EBF3: variants seen among roughly 807,000 people sequenced by gnomAD.
The protein encoded by EBF3 is transcription factor COE3.
Under a neutral mutation model 77.1 loss-of-function variants are expected in EBF3, and 18 were observed. The ratio of observed to expected loss-of-function variants is 0.23; its 90% CI spans 0.16 to 0.35. The LOEUF is 0.35. EBF3 is among the 10% of genes least tolerant of loss of function. The pLI is 1.00. For missense variants in EBF3, 558 were observed against 860.0 expected (o/e 0.65, Z 4.39); for synonymous variants, 350 against 343.5 (o/e 1.02, Z -0.21).
At position 129,897,584 on chromosome 10, in the gene EBF3, G is replaced by A. The variant is rs1216198093; in HGVS notation, c.555-19735C>T. On this transcript the variant is annotated intron_variant, in intron 6 of 16. Coordinates refer to ENST00000440978, the MANE Select transcript of EBF3 (RefSeq NM_001375380.1). The surrounding 1 kb of genome is among the most constrained non-coding windows in gnomAD (Gnocchi z 4.6). ...CAGCACACGACCCTTTTATCCGAGA[G>A]GCGAAGCCCGGGAAGGTTCTCGAGG... Among the ~76,000 whole-genome samples the A allele has an allele frequency of 2.0e-5, 3 of 152,112 alleles. No homozygotes were observed. The highest frequency in any genetic ancestry group is 4.4e-5 in the Non-Finnish European group (3 of 68,022).
intron 6 of EBF3, among the ~76,000 whole-genome samples, chr10:129,934,926 T>C (rs1358606870): frequency 6.6e-6 from 1 of 152,152 alleles, no homozygotes; most frequent in African/African-American, 2.4e-5. Context: ...CAAAGCATTC[T>C]GGGTTGTCAG....
At chr10:129,919,365 G>A (rs570877198) in intron 6 of EBF3, among the ~76,000 whole-genome samples, 1 of 152,186 alleles carries the variant, frequency 6.6e-6, no homozygotes, top group South Asian at 2.1e-4. Context: ...AGCAGGCAGT[G>A]GAGTGTGATA....
chr10:129,852,930 T>G (rs1010367018), intron 10 of EBF3, among the ~76,000 whole-genome samples: 4 of 152,214 alleles, frequency 2.6e-5, no homozygotes, highest in Non-Finnish European at 5.9e-5. Flanking sequence ...CAGAGGGAAC[T>G]GCTGCAAGGG....
At chr10:129,923,795 CTT>C (rs1856466462) in intron 6 of EBF3, among the ~76,000 whole-genome samples, 1 of 152,144 alleles carries the variant, frequency 6.6e-6, no homozygotes, top group African/African-American at 2.4e-5. Context: ...ACAATTTGGA[CTT>C]CATGAAAATT....
chr10:129,842,055 A>G lies in EBF3; in HGVS notation c.1372+61T>C. ...CCCTGGACACGTGCCTCTTCAGCTA[A>G]GGCCTCAACCAACCCTCGGAGGGCG... On this transcript the variant is annotated intron_variant, in intron 13 of 16. Transcript: ENST00000440978. This position sits in a 1 kb window ranked among gnomAD's most constrained non-coding sequence, Gnocchi z 4.4. The G allele has an allele frequency of 6.2e-6, 10 of 1,606,392 alleles. No individual in the cohort carries two copies. Among genetic ancestry groups the G allele is most frequent in the Non-Finnish European group, 8.5e-6 (10 of 1,174,942 alleles).
intron 6 of EBF3, among the ~76,000 whole-genome samples, chr10:129,939,612 C>T (rs375468196): frequency 2.0e-5 from 3 of 152,366 alleles, no homozygotes; most frequent in South Asian, 4.1e-4. Flanking sequence ...TCTGCCACAA[C>T]GTCTGCGTCT....
intron 8 of EBF3, among the ~76,000 whole-genome samples, chr10:129,868,986 G>A (rs1020309912): frequency 2.0e-5 from 3 of 152,210 alleles, no homozygotes; most frequent in African/African-American, 7.2e-5. Context: ...CCCTTTAGGT[G>A]AGCTGGGAGG....
chr10:129,924,427 CAACAAAA>C (rs1393147179), intron 6 of EBF3, among the ~76,000 whole-genome samples: 23 of 110,330 alleles, frequency 2.1e-4, no homozygotes, highest in Non-Finnish European at 4.3e-4. Context: ...ACAACAACAA[CAACAAAA>C]AAAAAAAAAA....
At chr10:129,906,847 G>A (rs1404425812) in intron 6 of EBF3, among the ~76,000 whole-genome samples, 1 of 151,760 alleles carries the variant, frequency 6.6e-6, no homozygotes, top group Non-Finnish European at 1.5e-5. Flanking sequence ...TACTTGACAA[G>A]TACCAGGGAA....
intron 5 of EBF3, among the ~76,000 whole-genome samples, chr10:129,958,262 C>T (rs1239149421): frequency 6.6e-6 from 1 of 152,216 alleles, no homozygotes. Flanking sequence ...GCTACTGTAG[C>T]CTGGAAGCCT....
intron 10 of EBF3, among the ~76,000 whole-genome samples, chr10:129,853,536 A>G (rs894140211): frequency 1.3e-5 from 2 of 152,232 alleles, no homozygotes; most frequent in Non-Finnish European, 2.9e-5. Flanking sequence ...TAACTACATA[A>G]TAAGAACATC....
At chr10:129,891,552 T>C (rs1854019399) in intron 6 of EBF3, among the ~76,000 whole-genome samples, 1 of 152,254 alleles carries the variant, frequency 6.6e-6, no homozygotes, top group African/African-American at 2.4e-5. Flanking sequence ...GACTGTTGTG[T>C]GTTTCCCTCC....
At position 129,963,397 on chromosome 10, in the gene EBF3, G is replaced by A. The variant is rs1218540505; in HGVS notation, c.261C>T (p.Thr87=). ...CTTTCTCCACAAAGTCCACAAAAGC[G>A]GTCCTTTCAATCTCCACCGGCTGCC... ...RQGQPVEIER[T]AFVDFVEKEK... Residue 87 remains threonine, a synonymous_variant, in exon 2 of 17, where the codon ACC becomes ACT. Transcript: ENST00000440978. This position sits in a 1 kb window ranked among gnomAD's most constrained non-coding sequence, Gnocchi z 7.1. 14 of 1,589,890 alleles carry A rather than the reference G, an allele frequency of 8.8e-6. No homozygotes were observed. The highest frequency in any genetic ancestry group is 1.2e-5 in the Non-Finnish European group (14 of 1,168,268).
At position 129,841,813 on chromosome 10, in the gene EBF3, C is replaced by T. The variant is rs1850080297; in HGVS notation, c.1372+303G>A. Among the ~76,000 whole-genome samples, 1 of 152,094 alleles carries T rather than the reference C, an allele frequency of 6.6e-6. No homozygotes were observed. The highest frequency in any genetic ancestry group is 1.5e-5 in the Non-Finnish European group (1 of 68,016). The stretch of plus-strand genomic sequence containing the variant: ...CTATCCTATGGCTTAGCCCAGACTT[C>T]CAAGGAAAGCAAAGTCTCTTATGAA... On this transcript the variant is annotated intron_variant, in intron 13 of 16. Transcript: ENST00000440978. The surrounding 1 kb of genome is among the most constrained non-coding windows in gnomAD (Gnocchi z 4.6).
At position 129,837,940 on chromosome 10, in the gene EBF3, G is replaced by A. The variant is rs1017481754; in HGVS notation, c.*3C>T. On this transcript the variant is annotated 3_prime_UTR_variant, in exon 17 of 17. Coordinates refer to ENST00000440978, the MANE Select transcript of EBF3 (RefSeq NM_001375380.1). ...TAAACAGAAGTCCCTCACATTGGCG[G>A]GACTACCAGCCCAGACATAGCTGCA... is the stretch of plus-strand genomic sequence containing the variant. The A allele has an allele frequency of 1.2e-6, 2 of 1,614,100 alleles. No homozygotes were observed. Among genetic ancestry groups the A allele is most frequent in the Non-Finnish European group, 1.7e-6 (2 of 1,180,028 alleles).
At chr10:129,932,830 T>C (rs1160190341) in intron 6 of EBF3, among the ~76,000 whole-genome samples, 1 of 151,490 alleles carries the variant, frequency 6.6e-6, no homozygotes, top group East Asian at 1.9e-4. Context: ...CCAGCCGTCA[T>C]CCTCAAACAA....
rs1851779998 is a variant in EBF3 at position 129,863,483 on chromosome 10, T to C, written c.1039+3658A>G. ...ACTGTAAACAGATCATTGAGGCCCT[T>C]TGCAAAGCCCCTCCCAGCCTCTGGC... On this transcript the variant is annotated intron_variant, in intron 10 of 16. Coordinates refer to ENST00000440978, the MANE Select transcript of EBF3 (RefSeq NM_001375380.1). The surrounding 1 kb of genome is among the most constrained non-coding windows in gnomAD (Gnocchi z 4.0). Among the ~76,000 whole-genome samples, 1 of 152,188 alleles carries C rather than the reference T, an allele frequency of 6.6e-6. No individual in the cohort carries two copies. The highest frequency in any genetic ancestry group is 6.5e-5 in the Admixed American group (1 of 15,280).
chr10:129,917,094 T>G (rs1855930646), intron 6 of EBF3, among the ~76,000 whole-genome samples: 1 of 151,992 alleles, frequency 6.6e-6, no homozygotes, highest in Non-Finnish European at 1.5e-5. Flanking sequence ...ACAGGCCAGG[T>G]GCAGCAGTTC....
intron 6 of EBF3, among the ~76,000 whole-genome samples, chr10:129,925,591 CAAAA>C (rs11368338): frequency 3.5e-5 from 4 of 114,578 alleles, no homozygotes; most frequent in Admixed American, 8.9e-5. Context: ...GACTCCATCT[CAAAA>C]AAAAAAAAAA....
Sources: gnomAD v4.1 joint callset for allele counts (sites outside exome capture counted in the v4.1 genomes callset) on GRCh38, gnomAD v4.1.1 for gene constraint, Gnocchi (gnomAD v3.1) non-coding constraint, MANE v1.5 for transcripts, NCBI Gene and HGNC (gene_info 2026-07-23, HGNC 2026-07-21) for gene names.